NPLOC4: variants seen among roughly 807,000 people sequenced by gnomAD.
NPLOC4 encodes NPL4 homolog, ubiquitin recognition factor, also known as nuclear protein localization protein 4 homolog.
NPLOC4 carries 18 observed loss-of-function variants against 80.6 expected under a neutral mutation model. That is an observed-to-expected ratio of 0.22 (90% CI 0.15 to 0.33). The LOEUF is 0.33. Ranked by LOEUF, NPLOC4 falls within the 10% of genes least tolerant of loss-of-function variation. NPLOC4 has a pLI of 1.00. For synonymous variants in NPLOC4, 313 were observed against 301.5 expected, an observed-to-expected ratio of 1.04 and a Z score of -0.39; for missense variants, 540 against 786.1, an observed-to-expected ratio of 0.69 and a Z score of 3.74.
At chr17:81,562,617 G>GATACCAGTCAGAACTT (rs1419018144) in intron 16 of NPLOC4, 1 of 152,184 alleles carries the variant, frequency 6.6e-6, no homozygotes, top group African/African-American at 2.4e-5. Flanking sequence ...ACCACAGTGA[G>GATACCAGTCAGAACTT]ATACCAGTCA....
chr17:81,603,042 G>A (rs8080837), intron 8 of NPLOC4, among the ~76,000 whole-genome samples: 2,868 of 150,776 alleles, frequency 0.019, 98 homozygotes, highest in African/African-American at 0.066. Flanking sequence ...GGTGGTGCAC[G>A]CCTGTAGTCC....
intron 3 of NPLOC4, among the ~76,000 whole-genome samples, chr17:81,614,565 AAGGGTTTCTGCTTGTCTCTG>A (rs2035430302): frequency 9.6e-6 from 1 of 103,804 alleles, no homozygotes; most frequent in African/African-American, 4.5e-5. Flanking sequence ...AGTCAGACTT[AAGGGTTTCTGCTTGTCTCTG>A]AAGCTACTGA....
At chr17:81,576,592 C>A (rs1280530485) in intron 12 of NPLOC4, among the ~76,000 whole-genome samples, 1 of 152,162 alleles carries the variant, frequency 6.6e-6, no homozygotes, top group Non-Finnish European at 1.5e-5. Flanking sequence ...GTTAAGGTAT[C>A]TTTGAAATCA....
chr17:81,603,752 T>C (rs568452062), intron 8 of NPLOC4, among the ~76,000 whole-genome samples: 1 of 152,334 alleles, frequency 6.6e-6, no homozygotes, highest in East Asian at 1.9e-4. Context: ...TATTTTTCTA[T>C]TGGATTTCAA....
In NPLOC4 at chr17:81,597,299, T is replaced by C. The variant is rs765026311; in HGVS notation, c.939A>G (p.Thr313=). The C allele has an allele frequency of 6.2e-7, 1 of 1,613,426 alleles. No homozygotes were observed. The highest frequency in any genetic ancestry group is 1.1e-5 in the South Asian group (1 of 91,072). Residue 313 remains threonine (T), a synonymous_variant, in exon 10 of 17, where the codon ACA becomes ACG. Coordinates refer to ENST00000331134, the MANE Select transcript of NPLOC4 (RefSeq NM_017921.4). ...LGLRKVGWIF[T]DLVSEDTRKG... ...TTCGGGTATCTTCTGAGACGAGGTC[T>C]GTAAATATCCAGCCAACCTTAAAAA...
At chr17:81,563,516 G>C (rs2033914803) in intron 16 of NPLOC4, 1 of 178,342 alleles carries the variant, frequency 5.6e-6, no homozygotes, top group Non-Finnish European at 1.2e-5. Flanking sequence ...GCTGTAGTGA[G>C]CTATGATCAC....
chr17:81,584,927 G>A (rs2034533574), intron 12 of NPLOC4, among the ~76,000 whole-genome samples: 1 of 152,108 alleles, frequency 6.6e-6, no homozygotes, highest in Non-Finnish European at 1.5e-5. Flanking sequence ...AGCACTTTGG[G>A]AGGCCGAGGT....
chr17:81,597,346 TCTC>T (rs2034937460), intron 9 of NPLOC4, 30 bp from the exon 10 acceptor site: 1 of 1,566,440 alleles, frequency 6.4e-7, no homozygotes, highest in Non-Finnish European at 8.8e-7. Context: ...CTTTTAAACA[TCTC>T]CTCAAGATAG....
rs1440281080 is a variant in NPLOC4, at chr17:81,590,459, T to C, written c.1121-1355A>G. Among the ~76,000 whole-genome samples the C allele has an allele frequency of 7.2e-5, 11 of 152,192 alleles. No homozygotes were observed. The East Asian group carries it at 1.9e-3, about 27-fold the overall frequency. ...GGGGAGATGCCCACCGCTGCAGAAG[T>C]GTGCTTCCAGAACTGAAGTTATGTG... is the stretch of plus-strand genomic sequence containing the variant. On this transcript the variant is annotated intron_variant, in intron 11 of 16. Transcript: ENST00000331134.
chr17:81,561,214 C>T (rs1452916701), intron 16 of NPLOC4, among the ~76,000 whole-genome samples: 1 of 152,224 alleles, frequency 6.6e-6, no homozygotes. Context: ...GCCTCGGCCT[C>T]CCAAAGTGCT....
In NPLOC4 at chr17:81,558,996, T is replaced by C. The variant is rs1254448327; in HGVS notation, c.*263A>G. Reference sequence around the variant, plus strand: ...TCTTTCCAACACGGCGGGGGACTTGTCAACAGGATTAGGCGTGAGGAGCCG... The same window carrying C: ...TCTTTCCAACACGGCGGGGGACTTGCCAACAGGATTAGGCGTGAGGAGCCG... On this transcript the variant is annotated 3_prime_UTR_variant, in exon 17 of 17. Coordinates refer to ENST00000331134, the MANE Select transcript of NPLOC4 (RefSeq NM_017921.4). 7.2e-6 allele frequency: 3 copies of C among 414,062 alleles called. No individual in the cohort carries two copies. Among genetic ancestry groups the C allele is most frequent in the Admixed American group, 4.2e-5 (1 of 23,882 alleles). The allele number at this position is 414,062 out of a possible 1,614,324, so 25.6% of individuals were successfully genotyped here.
intron 12 of NPLOC4, among the ~76,000 whole-genome samples, chr17:81,582,047 C>G (rs9892655): frequency 0.14 from 21,763 of 152,134 alleles, 1,849 homozygotes; most frequent in Admixed American, 0.23. Context: ...CTCCTCTGTA[C>G]CAAAGAACAC....
intron 1 of NPLOC4, chr17:81,636,499 A>C (rs2144360414): frequency 6.3e-6 from 1 of 159,960 alleles, no homozygotes; most frequent in South Asian, 2.0e-4. Context: ...GGAGAGCAGG[A>C]GGAGAGAATC....
At chr17:81,611,452 C>T (rs1329981774) in intron 4 of NPLOC4, among the ~76,000 whole-genome samples, 1 of 151,494 alleles carries the variant, frequency 6.6e-6, no homozygotes, top group South Asian at 2.1e-4. Flanking sequence ...TCGTTTCAAG[C>T]GATTCTCCTG....
At chr17:81,610,125 C>A in intron 5 of NPLOC4, 85 bp downstream of exon 5, 2 of 1,240,574 alleles carry the variant, frequency 1.6e-6, no homozygotes. Context: ...CAGCCAAGTG[C>A]GTGGACTCAG....
intron 2 of NPLOC4, among the ~76,000 whole-genome samples, chr17:81,622,619 C>A (rs112118980): frequency 6.6e-6 from 1 of 152,156 alleles, no homozygotes; most frequent in African/African-American, 2.4e-5. Context: ...GGCATGATCT[C>A]GGCTTACTGC....
At chr17:81,569,989 G>A (rs1018817767) in intron 13 of NPLOC4, among the ~76,000 whole-genome samples, 1 of 152,226 alleles carries the variant, frequency 6.6e-6, no homozygotes, top group Non-Finnish European at 1.5e-5. Flanking sequence ...TCCAGATTTA[G>A]GGGAACTATT....
chr17:81,618,898 A>T (rs1443796530), intron 3 of NPLOC4, among the ~76,000 whole-genome samples: 2 of 151,942 alleles, frequency 1.3e-5, no homozygotes, highest in Non-Finnish European at 2.9e-5. Flanking sequence ...TTGATCTATG[A>T]CCTTACCCCA....
Position 81,613,409 on chromosome 17 carries a change from CTTT to C in NPLOC4, c.292_294del (p.Lys98del). The C allele has an allele frequency of 6.2e-7, 1 of 1,613,938 alleles. No individual in the cohort carries two copies. Among genetic ancestry groups the C allele is most frequent in the Non-Finnish European group, 8.5e-7 (1 of 1,179,898 alleles). On this transcript the variant is annotated inframe_deletion, in exon 4 of 17. Coordinates refer to ENST00000331134, the MANE Select transcript of NPLOC4 (RefSeq NM_017921.4). Reference sequence around the variant, plus strand: ...TCCACCACGTTGGGAGCGCCAAAGACTTTGAAGCCCGGTGGAACTGACGTCTCC... The same window carrying C: ...TCCACCACGTTGGGAGCGCCAAAGACGAAGCCCGGTGGAACTGACGTCTCC...
Sources: gnomAD v4.1 joint callset for allele counts (sites outside exome capture counted in the v4.1 genomes callset) on GRCh38, gnomAD v4.1.1 for gene constraint, MANE v1.5 for transcripts, NCBI Gene and HGNC (gene_info 2026-07-23, HGNC 2026-07-21) for gene names.